SF3B5: variants seen among roughly 807,000 people sequenced by gnomAD.
SF3B5 encodes the protein pre-mRNA-splicing factor SF3b 10 kDa subunit.
In SF3B5, 3 loss-of-function variants were observed where a neutral mutation model predicts 7.0. The ratio of observed to expected loss-of-function variants is 0.43; its 90% confidence interval spans 0.19 to 1.10. The LOEUF (loss-of-function observed/expected upper bound fraction) is 1.10. Among genes scored for constraint, SF3B5 ranks in the 50% least tolerant of loss-of-function variants. The pLI, the probability that SF3B5 is intolerant of heterozygous loss-of-function variation, is 0.29. For missense variants in SF3B5, 73 were observed against 113.6 expected, an observed-to-expected ratio of 0.64 and a Z score of 1.63; for synonymous variants, 51 against 44.8, an observed-to-expected ratio of 1.14 and a Z score of -0.55.
chr6:144,095,139 GGA>G lies in SF3B5; in HGVS notation c.*96_*97del. The G allele has an allele frequency of 6.4e-7, 1 of 1,556,992 alleles. No individual in the cohort carries two copies. The highest frequency in any genetic ancestry group is 1.7e-5 in the Admixed American group (1 of 58,096). ...GGAAAGCACGAGGCGCAGGAGCCAT[GGA>G]GAGCCGGTCCTTTGGAGACAGGAAT... On this transcript the variant is annotated 3_prime_UTR_variant, in exon 1 of 1. Coordinates refer to ENST00000367569, the MANE Select transcript of SF3B5 (RefSeq NM_031287.3). This position sits in a 1 kb window ranked among gnomAD's most constrained non-coding sequence, Gnocchi z 4.3.
In SF3B5 at chr6:144,095,551, G is replaced by C. The variant is rs996619668; in HGVS notation, c.-54C>G. 1.2e-6 allele frequency: 2 copies of C among 1,600,966 alleles called. No individual in the cohort carries two copies. The highest frequency in any genetic ancestry group is 2.3e-5 in the East Asian group (1 of 44,394). On this transcript the variant is annotated 5_prime_UTR_variant, in exon 1 of 1. Transcript: ENST00000367569. This position sits in a 1 kb window ranked among gnomAD's most constrained non-coding sequence, Gnocchi z 4.3. ...CAGAGGACGCAGGTAACAACTCGCC[G>C]CTCTAGCGTTTTACAGGAGAGTGAA...
rs374611358 is a variant in SF3B5 at position 144,095,106 on chromosome 6, C to T, written c.*131G>A. On this transcript the variant is annotated 3_prime_UTR_variant, in exon 1 of 1. Coordinates refer to ENST00000367569, the MANE Select transcript of SF3B5 (RefSeq NM_031287.3). This position sits in a 1 kb window ranked among gnomAD's most constrained non-coding sequence, Gnocchi z 4.3. ...GGCGGGACTCCCCGGGCAAGCACTT[C>T]TGTACGCGGAAAGCACGAGGCGCAG... is the stretch of plus-strand genomic sequence containing the variant. 8.4e-6 allele frequency: 12 copies of T among 1,434,942 alleles called. No individual in the cohort carries two copies. The South Asian group carries it at 1.5e-4, about 18-fold the overall frequency. 88.9% of individuals were successfully genotyped at this position (1,434,942 alleles called of 1,614,324 possible). A position where few individuals can be genotyped will look rare whatever the true frequency, so the allele number is the denominator to read the frequency against.
rs752599454 is a variant in SF3B5 at position 144,095,306 on chromosome 6, G to C, written c.192C>G (p.Val64=). 8.7e-6 allele frequency: 14 copies of C among 1,614,266 alleles called. No individual in the cohort carries two copies. Among genetic ancestry groups the C allele is most frequent in the Non-Finnish European group, 1.2e-5 (14 of 1,180,056 alleles). ...AIAENESKAR[V]RFNLMEKMLQ... The stretch of plus-strand genomic sequence containing the variant: ...GCATCTTTTCCATCAAGTTGAAGCG[G>C]ACTCGCGCTTTGCTCTCATTCTCCG... The change falls in exon 1 of 1, where the codon GTC becomes GTG. Residue 64 remains valine, a synonymous_variant. Coordinates refer to ENST00000367569, the MANE Select transcript of SF3B5 (RefSeq NM_031287.3). This position sits in a 1 kb window ranked among gnomAD's most constrained non-coding sequence, Gnocchi z 4.3.
Position 144,095,516 on chromosome 6 carries a change from G to C in SF3B5, c.-19C>G. The C allele has an allele frequency of 6.2e-7, 1 of 1,612,926 alleles. No individual in the cohort carries two copies. Among genetic ancestry groups the C allele is most frequent in the Non-Finnish European group, 8.5e-7 (1 of 1,179,078 alleles). On this transcript the variant is annotated 5_prime_UTR_variant, in exon 1 of 1. Transcript: ENST00000367569. The surrounding 1 kb of genome is among the most constrained non-coding windows in gnomAD (Gnocchi z 4.3). ...CAGTCATCTCGCCGCTTTCCCCTTC[G>C]CTCTCAGGTCAGAGGACGCAGGTAA...
At position 144,095,177 on chromosome 6, in the gene SF3B5, A is replaced by T. The variant is rs1490833229; in HGVS notation, c.*60T>A. 1 of 1,605,860 alleles carries T rather than the reference A, an allele frequency of 6.2e-7. No homozygotes were observed. Among genetic ancestry groups the T allele is most frequent in the Admixed American group, 1.7e-5 (1 of 59,800 alleles). ...TTTGGAGACAGGAATACTTAAGAGGATTGGCAAACCGGAGAAACGCTGGGA... is the reference window on the plus strand; with the variant it reads ...TTTGGAGACAGGAATACTTAAGAGGTTTGGCAAACCGGAGAAACGCTGGGA... On this transcript the variant is annotated 3_prime_UTR_variant, in exon 1 of 1. Transcript: ENST00000367569. This position sits in a 1 kb window ranked among gnomAD's most constrained non-coding sequence, Gnocchi z 4.3.
chr6:144,095,427 GCGTGGCC>G lies in SF3B5; in HGVS notation c.64_70del (p.Gly22ProfsTer10). 1 of 1,614,260 alleles carries G rather than the reference GCGTGGCC, an allele frequency of 6.2e-7. No homozygotes were observed. Among genetic ancestry groups the G allele is most frequent in the Non-Finnish European group, 8.5e-7 (1 of 1,180,048 alleles). ...CAGCCACTCCCACTTGGTGGTGTCGGCGTGGCCCGTGCCGATGTACTTGGACTGCAGG... is the reference window on the plus strand; with the variant it reads ...CAGCCACTCCCACTTGGTGGTGTCGGCGTGCCGATGTACTTGGACTGCAGG... On this transcript the variant is annotated frameshift_variant, in exon 1 of 1. Transcript: ENST00000367569. LOFTEE classifies it high-confidence loss of function. The surrounding 1 kb of genome is among the most constrained non-coding windows in gnomAD (Gnocchi z 4.3).
rs369968293 is a variant in SF3B5 at position 144,095,229 on chromosome 6, G to A, written c.*8C>T. On this transcript the variant is annotated 3_prime_UTR_variant, in exon 1 of 1. Coordinates refer to ENST00000367569, the MANE Select transcript of SF3B5 (RefSeq NM_031287.3). This position sits in a 1 kb window ranked among gnomAD's most constrained non-coding sequence, Gnocchi z 4.3. Reference sequence around the variant, plus strand: ...AGGTGCCCCGCACTGCGGTGGTAAGGCAGAGTCTCAGTTCTCCTCGGGCTT... The same window carrying A: ...AGGTGCCCCGCACTGCGGTGGTAAGACAGAGTCTCAGTTCTCCTCGGGCTT... The A allele has an allele frequency of 5.0e-6, 8 of 1,613,864 alleles. No individual in the cohort carries two copies. Among genetic ancestry groups the A allele is most frequent in the Non-Finnish European group, 6.8e-6 (8 of 1,179,932 alleles).
chr6:144,095,564 A>T lies in SF3B5; in HGVS notation c.-67T>A, dbSNP rs1583969043. ...TAACAACTCGCCGCTCTAGCGTTTT[A>T]CAGGAGAGTGAAGCCACCGCGCGGA... On this transcript the variant is annotated 5_prime_UTR_variant, in exon 1 of 1. Coordinates refer to ENST00000367569, the MANE Select transcript of SF3B5 (RefSeq NM_031287.3). The surrounding 1 kb of genome is among the most constrained non-coding windows in gnomAD (Gnocchi z 4.3). 1 of 1,587,554 alleles carries T rather than the reference A, an allele frequency of 6.3e-7. No homozygotes were observed. Among genetic ancestry groups the T allele is most frequent in the Non-Finnish European group, 8.6e-7 (1 of 1,163,404 alleles).
chr6:144,095,275 G>C lies in SF3B5; in HGVS notation c.223C>G (p.Pro75Ala), dbSNP rs762979277. 3.7e-6 allele frequency: 6 copies of C among 1,614,130 alleles called. No homozygotes were observed. The highest frequency in any genetic ancestry group is 3.3e-4 in the Middle Eastern group (2 of 6,076). Residue 75 changes from proline (P) to alanine (A), a missense_variant, in exon 1 of 1, where the codon CCT (proline) becomes GCT (alanine). Pro to Ala is a conservative substitution (Grantham distance 27, BLOSUM62 -1). Transcript: ENST00000367569. This position sits in a 1 kb window ranked among gnomAD's most constrained non-coding sequence, Gnocchi z 4.3. The stretch of plus-strand genomic sequence containing the variant: ...GGCTTGTCGGCTGGCGGTCCACAAG[G>C]CTGAAGCATCTTTTCCATCAAGTTG... ...RFNLMEKMLQ[P>A]CGPPADKPEE...
chr6:144,095,547 C>A lies in SF3B5; in HGVS notation c.-50G>T. 1 of 1,604,232 alleles carries A rather than the reference C, an allele frequency of 6.2e-7. No homozygotes were observed. Among genetic ancestry groups the A allele is most frequent in the Non-Finnish European group, 8.5e-7 (1 of 1,173,220 alleles). ...AGGTCAGAGGACGCAGGTAACAACT[C>A]GCCGCTCTAGCGTTTTACAGGAGAG... On this transcript the variant is annotated 5_prime_UTR_variant, in exon 1 of 1. Coordinates refer to ENST00000367569, the MANE Select transcript of SF3B5 (RefSeq NM_031287.3). The surrounding 1 kb of genome is among the most constrained non-coding windows in gnomAD (Gnocchi z 4.3).
In SF3B5 at chr6:144,094,999, T is replaced by C. The variant is rs1583968407; in HGVS notation, c.*238A>G. 1.8e-5 allele frequency: 11 copies of C among 610,568 alleles called. No homozygotes were observed. Among genetic ancestry groups the C allele is most frequent in the Non-Finnish European group, 2.6e-5 (9 of 348,768 alleles). The allele number at this position is 610,568 out of a possible 1,614,324, so 37.8% of individuals were successfully genotyped here. A position where few individuals can be genotyped will look rare whatever the true frequency, so the allele number is the denominator to read the frequency against. Reference sequence around the variant, plus strand: ...CCTCTTCTCAAACGCTCGCCGGCTCTAGGACCTCTCCACCAGCACAGTTCT... The same window carrying C: ...CCTCTTCTCAAACGCTCGCCGGCTCCAGGACCTCTCCACCAGCACAGTTCT... On this transcript the variant is annotated 3_prime_UTR_variant, in exon 1 of 1. Transcript: ENST00000367569.
Position 144,095,019 on chromosome 6 carries a change from A to T in SF3B5, c.*218T>A, listed in dbSNP as rs972305032. 1.5e-5 allele frequency: 10 copies of T among 662,284 alleles called. No homozygotes were observed. The Admixed American group carries it at 2.8e-4, about 19-fold the overall frequency. 41.0% of individuals were successfully genotyped at this position (662,284 alleles called of 1,614,324 possible). A position where few individuals can be genotyped will look rare whatever the true frequency, so the allele number is the denominator to read the frequency against. ...GGCTCTAGGACCTCTCCACCAGCACAGTTCTCAGGAGTCCTGCTGGTCTCC... is the reference window on the plus strand; with the variant it reads ...GGCTCTAGGACCTCTCCACCAGCACTGTTCTCAGGAGTCCTGCTGGTCTCC... On this transcript the variant is annotated 3_prime_UTR_variant, in exon 1 of 1. Coordinates refer to ENST00000367569, the MANE Select transcript of SF3B5 (RefSeq NM_031287.3). The surrounding 1 kb of genome is among the most constrained non-coding windows in gnomAD (Gnocchi z 4.3).
Position 144,095,370 on chromosome 6 carries a change from T to G in SF3B5, c.128A>C (p.Tyr43Ser), listed in dbSNP as rs1800125334. Residue 43 changes from tyrosine to serine, a missense_variant, in exon 1 of 1, where the codon TAC becomes TCC. Physicochemically the swap from Tyr to Ser is moderately radical, Grantham distance 144. Around this residue, in one of 2 missense-constraint regions of SF3B5, gnomAD observed 67 missense variants for 82.7 expected, o/e 0.81. Coordinates refer to ENST00000367569, the MANE Select transcript of SF3B5 (RefSeq NM_031287.3). The surrounding 1 kb of genome is among the most constrained non-coding windows in gnomAD (Gnocchi z 4.3). ...VNQHRDSYCSYMGHFDLLNYF... is the reference protein window; with the variant it reads ...VNQHRDSYCSSMGHFDLLNYF... Reference sequence around the variant, plus strand: ...GTTGAGAAGGTCGAAGTGGCCCATGTAGGAGCAGTACGAGTCGCGGTGTTG... The same window carrying G: ...GTTGAGAAGGTCGAAGTGGCCCATGGAGGAGCAGTACGAGTCGCGGTGTTG... 1 of 1,614,254 alleles carries G rather than the reference T, an allele frequency of 6.2e-7. No homozygotes were observed. The highest frequency in any genetic ancestry group is 8.5e-7 in the Non-Finnish European group (1 of 1,180,040).
In SF3B5 at chr6:144,095,506, T is replaced by C. The variant is rs530093771; in HGVS notation, c.-9A>G. 6.8e-6 allele frequency: 11 copies of C among 1,613,236 alleles called. No individual in the cohort carries two copies. The South Asian group carries it at 1.1e-4, about 16-fold the overall frequency. On this transcript the variant is annotated 5_prime_UTR_variant, in exon 1 of 1. Transcript: ENST00000367569. This position sits in a 1 kb window ranked among gnomAD's most constrained non-coding sequence, Gnocchi z 4.3. ...GTGTAGCGGTCAGTCATCTCGCCGC[T>C]TTCCCCTTCGCTCTCAGGTCAGAGG...
Position 144,095,561 on chromosome 6 carries a change from T to G in SF3B5, c.-64A>C. On this transcript the variant is annotated 5_prime_UTR_variant, in exon 1 of 1. Transcript: ENST00000367569. The surrounding 1 kb of genome is among the most constrained non-coding windows in gnomAD (Gnocchi z 4.3). ...AGGTAACAACTCGCCGCTCTAGCGTTTTACAGGAGAGTGAAGCCACCGCGC... is the reference window on the plus strand; with the variant it reads ...AGGTAACAACTCGCCGCTCTAGCGTGTTACAGGAGAGTGAAGCCACCGCGC... 2 of 1,591,362 alleles carry G rather than the reference T, an allele frequency of 1.3e-6. No individual in the cohort carries two copies.
chr6:144,095,230 C>G lies in SF3B5; in HGVS notation c.*7G>C. 6.2e-7 allele frequency: 1 copy of G among 1,613,886 alleles called. No homozygotes were observed. Among genetic ancestry groups the G allele is most frequent in the South Asian group, 1.1e-5 (1 of 91,064 alleles). On this transcript the variant is annotated 3_prime_UTR_variant, in exon 1 of 1. Coordinates refer to ENST00000367569, the MANE Select transcript of SF3B5 (RefSeq NM_031287.3). This position sits in a 1 kb window ranked among gnomAD's most constrained non-coding sequence, Gnocchi z 4.3. ...GGTGCCCCGCACTGCGGTGGTAAGG[C>G]AGAGTCTCAGTTCTCCTCGGGCTTG...
In SF3B5 at chr6:144,095,256, T is replaced by C. The variant is rs773415775; in HGVS notation, c.242A>G (p.Asp81Gly). The change falls in exon 1 of 1, where the codon GAC becomes GGC. Residue 81 changes from aspartate to glycine, a missense_variant. Coordinates refer to ENST00000367569, the MANE Select transcript of SF3B5 (RefSeq NM_031287.3). This position sits in a 1 kb window ranked among gnomAD's most constrained non-coding sequence, Gnocchi z 4.3. ...AGAGTCTCAGTTCTCCTCGGGCTTG[T>C]CGGCTGGCGGTCCACAAGGCTGAAG... ...KMLQPCGPPA[D>G]KPEEN 1 of 1,614,214 alleles carries C rather than the reference T, an allele frequency of 6.2e-7. No individual in the cohort carries two copies.
rs1315513169 is a variant in SF3B5, at chr6:144,095,111, C to A, written c.*126G>T. The A allele has an allele frequency of 1.4e-6, 2 of 1,459,588 alleles. No homozygotes were observed. The highest frequency in any genetic ancestry group is 1.8e-5 in the Admixed American group (1 of 55,966). 90.4% of individuals were successfully genotyped at this position (1,459,588 alleles called of 1,614,324 possible). On this transcript the variant is annotated 3_prime_UTR_variant, in exon 1 of 1. Transcript: ENST00000367569. This position sits in a 1 kb window ranked among gnomAD's most constrained non-coding sequence, Gnocchi z 4.3. The stretch of plus-strand genomic sequence containing the variant: ...GACTCCCCGGGCAAGCACTTCTGTA[C>A]GCGGAAAGCACGAGGCGCAGGAGCC...
At position 144,094,938 on chromosome 6, in the gene SF3B5, C is replaced by T. The variant is rs1435617182; in HGVS notation, c.*299G>A. 2 of 451,260 alleles carry T rather than the reference C, an allele frequency of 4.4e-6. No homozygotes were observed. Among genetic ancestry groups the T allele is most frequent in the Non-Finnish European group, 8.1e-6 (2 of 245,862 alleles). 28.0% of individuals were successfully genotyped at this position (451,260 alleles called of 1,614,324 possible). A position where few individuals can be genotyped will look rare whatever the true frequency, so the allele number is the denominator to read the frequency against. ...CCAATGACAATCAATTAGCCAAAAA[C>T]GAGACGCCAAATCCCATCTCACTCC... On this transcript the variant is annotated 3_prime_UTR_variant, in exon 1 of 1. Coordinates refer to ENST00000367569, the MANE Select transcript of SF3B5 (RefSeq NM_031287.3).
Sources: allele counts gnomAD v4.1 joint callset, GRCh38; gene constraint gnomAD v4.1.1; regional missense constraint gnomAD v4.1.1; non-coding constraint Gnocchi (gnomAD v3.1); transcripts MANE v1.5; gene names NCBI Gene and HGNC (gene_info 2026-07-23, HGNC 2026-07-21).